The following XIRP2 variants were observed in gnomAD, a reference collection of about 807,000 sequenced individuals.
The protein encoded by XIRP2 is xin actin-binding repeat-containing protein 2.
Under a neutral mutation model 277.0 loss-of-function variants are expected in XIRP2, and 236 were observed. The observed-to-expected ratio is 0.85, with a 90% CI of 0.77 to 0.95. The LOEUF (loss-of-function observed/expected upper bound fraction) is 0.95, where lower values mean the gene tolerates loss of function less well. Ranked by LOEUF, XIRP2 falls within the 40% of genes least tolerant of loss-of-function variation. The pLI is 0.00. For missense variants in XIRP2, 4,640 were observed against 4,157.5 expected, an observed-to-expected ratio of 1.12 and a Z score of -3.19; for synonymous variants, 1,490 against 1,416.5, an observed-to-expected ratio of 1.05 and a Z score of -1.17.
intron 2 of XIRP2, among the ~76,000 whole-genome samples, chr2:167,053,329 T>C (rs1172251433): frequency 1.3e-5 from 2 of 152,220 alleles, no homozygotes; most frequent in African/African-American, 2.4e-5. Context: ...ATATGTGTTG[T>C]ATATTCGATA....
At chr2:167,016,088 A>C (rs181807329) in intron 2 of XIRP2, among the ~76,000 whole-genome samples, 3 of 151,568 alleles carry the variant, frequency 2.0e-5, no homozygotes, top group Non-Finnish European at 4.4e-5. Flanking sequence ...ATGTAAAGCA[A>C]TATTCTTTGT....
chr2:167,171,156 TC>T (rs1273625036), intron 3 of XIRP2, among the ~76,000 whole-genome samples: 1 of 152,128 alleles, frequency 6.6e-6, no homozygotes, highest in Non-Finnish European at 1.5e-5. Flanking sequence ...CACCTCAGCC[TC>T]CCAAAGTGCT....
chr2:167,113,338 C>T (rs1216584452), intron 2 of XIRP2, among the ~76,000 whole-genome samples: 2 of 152,130 alleles, frequency 1.3e-5, no homozygotes. Context: ...TCCTGTGTTG[C>T]ATACACATCT....
At chr2:166,982,327 T>A (rs1355416) in intron 2 of XIRP2, among the ~76,000 whole-genome samples, 10,573 of 146,524 alleles carry the variant, frequency 0.072, 654 homozygotes, top group East Asian at 0.24. Flanking sequence ...TTTTTTTTTT[T>A]AAAAAAAAAA....
In XIRP2 at chr2:167,242,761, C is replaced by A. The variant is rs538062768; in HGVS notation, c.1369C>A (p.Pro457Thr). 3 of 1,613,948 alleles carry A rather than the reference C, an allele frequency of 1.9e-6. No homozygotes were observed. The highest frequency in any genetic ancestry group is 2.5e-6 in the Non-Finnish European group (3 of 1,179,946). ...GACAGAAGAATTTCCTCCTCCCCCA[C>A]CTGACGTACTTCAAACTTCAGTAGA... ...GMTEEFPPPP[P>T]DVLQTSVDVT... The change falls in exon 9 of 11, where the codon CCT (proline) becomes ACT (threonine). Residue 457 changes from proline (P) to threonine (T), a missense_variant. Pro to Thr is a conservative substitution (Grantham distance 38). Coordinates refer to ENST00000409195, the MANE Select transcript of XIRP2 (RefSeq NM_152381.6).
chr2:167,033,342 G>A (rs1278093854), intron 2 of XIRP2, among the ~76,000 whole-genome samples: 1 of 152,110 alleles, frequency 6.6e-6, no homozygotes, highest in African/African-American at 2.4e-5. Flanking sequence ...TAATGTAGAT[G>A]AGGGGTTAAT....
At chr2:167,137,332 A>G (rs1030838058) in intron 3 of XIRP2, among the ~76,000 whole-genome samples, 1 of 152,150 alleles carries the variant, frequency 6.6e-6, no homozygotes, top group Non-Finnish European at 1.5e-5. Flanking sequence ...GATTAGTATC[A>G]GTCTTGAGGA....
intron 1 of XIRP2, among the ~76,000 whole-genome samples, chr2:166,893,555 G>A (rs554585760): frequency 6.6e-6 from 1 of 152,156 alleles, no homozygotes; most frequent in South Asian, 2.1e-4. Flanking sequence ...CCATCATTTA[G>A]TAAAACATCC....
At chr2:167,074,212 T>TA (rs1266325914) in intron 2 of XIRP2, among the ~76,000 whole-genome samples, 6 of 152,150 alleles carry the variant, frequency 3.9e-5, no homozygotes, top group African/African-American at 1.4e-4. Flanking sequence ...TAGCAATACT[T>TA]ACAATGTTTC....
intron 2 of XIRP2, among the ~76,000 whole-genome samples, chr2:166,931,553 A>G (rs1685337570): frequency 6.6e-6 from 1 of 152,124 alleles, no homozygotes; most frequent in African/African-American, 2.4e-5. Flanking sequence ...TTTTTCACTT[A>G]ACATATTTTG....
At chr2:166,897,680 T>C (rs1020918584) in intron 1 of XIRP2, among the ~76,000 whole-genome samples, 5 of 152,082 alleles carry the variant, frequency 3.3e-5, no homozygotes, top group Non-Finnish European at 7.4e-5. Flanking sequence ...GATCCAGACT[T>C]TCATGGAGAA....
intron 3 of XIRP2, among the ~76,000 whole-genome samples, chr2:167,182,523 A>G (rs574145341): frequency 6.1e-4 from 93 of 152,314 alleles, no homozygotes; most frequent in Non-Finnish European, 8.2e-4. Context: ...ATATCACCCA[A>G]CGTAGTGCTT....
chr2:167,142,601 G>A (rs1691753420), intron 3 of XIRP2, among the ~76,000 whole-genome samples: 1 of 151,716 alleles, frequency 6.6e-6, no homozygotes, highest in South Asian at 2.1e-4. Flanking sequence ...AAGGTACATG[G>A]GATTTGTGTT....
chr2:166,962,598 C>T (rs1221428359), intron 2 of XIRP2, among the ~76,000 whole-genome samples: 2 of 151,706 alleles, frequency 1.3e-5, no homozygotes, highest in African/African-American at 4.8e-5. Flanking sequence ...TAGGAAAAAG[C>T]AACTCAAAAA....
intron 3 of XIRP2, among the ~76,000 whole-genome samples, chr2:167,152,960 CT>C (rs1158726786): frequency 2.6e-5 from 4 of 152,116 alleles, no homozygotes; most frequent in Non-Finnish European, 2.9e-5. Context: ...CAAATGCAAA[CT>C]TTCCCCCTAT....
rs751267184 is a variant in XIRP2, at chr2:167,247,915, A to G, written c.6523A>G (p.Thr2175Ala). The change falls in exon 9 of 11, where the codon ACT becomes GCT. Residue 2175 changes from threonine (T) to alanine (A), a missense_variant. Physicochemically the swap from Thr to Ala is moderately conservative, Grantham distance 58. Coordinates refer to ENST00000409195, the MANE Select transcript of XIRP2 (RefSeq NM_152381.6). ...TCCAGTCAGCATGCCAGTTGGAGGA[A>G]CTTACGACCTTTCAGGGGACTTTCA... is the stretch of plus-strand genomic sequence containing the variant. Reference protein sequence around the residue: ...QHPVSMPVGGTYDLSGDFQKQ... With the variant: ...QHPVSMPVGGAYDLSGDFQKQ... The G allele has an allele frequency of 5.0e-6, 8 of 1,613,086 alleles. No homozygotes were observed. In the Admixed American group the frequency reaches 5.0e-5, roughly 10 times the overall value.
At chr2:167,003,625 G>A (rs1574151673) in intron 2 of XIRP2, among the ~76,000 whole-genome samples, 1 of 151,758 alleles carries the variant, frequency 6.6e-6, no homozygotes, top group African/African-American at 2.4e-5. Context: ...AAATATTTTT[G>A]AGTAATTGGA....
At chr2:167,188,417 A>T (rs897274030) in intron 3 of XIRP2, among the ~76,000 whole-genome samples, 2 of 152,174 alleles carry the variant, frequency 1.3e-5, no homozygotes, top group African/African-American at 4.8e-5. Flanking sequence ...GAACCAAAAG[A>T]TATTTTATTT....
At chr2:167,002,396 T>G (rs1574150715) in intron 2 of XIRP2, among the ~76,000 whole-genome samples, 1 of 100,982 alleles carries the variant, frequency 9.9e-6, no homozygotes, top group Admixed American at 1.1e-4. Flanking sequence ...TGTTTTTATT[T>G]AAGTGTCTAA....
Sources: gnomAD v4.1 joint callset for allele counts (sites outside exome capture counted in the v4.1 genomes callset) on GRCh38, gnomAD v4.1.1 for gene constraint, MANE v1.5 for transcripts, NCBI Gene and HGNC (gene_info 2026-07-23, HGNC 2026-07-21) for gene names.